Variants in SLC4A1AP observed in about 807,000 individuals in gnomAD.
SLC4A1AP encodes solute carrier family 4 member 1 adaptor protein, also known as kanadaptin.
Under a neutral mutation model 89.7 loss-of-function variants are expected in SLC4A1AP, and 64 were observed. That is an observed-to-expected ratio of 0.71 (90% CI 0.58 to 0.88). The LOEUF (loss-of-function observed/expected upper bound fraction) is 0.88, where lower values mean the gene tolerates loss of function less well. SLC4A1AP is among the 40% of genes least tolerant of loss of function. SLC4A1AP has a pLI of 0.00. For missense variants in SLC4A1AP, 931 were observed against 965.0 expected, an observed-to-expected ratio of 0.96 and a Z score of 0.47; for synonymous variants, 366 against 353.3, an observed-to-expected ratio of 1.04 and a Z score of -0.40.
chr2:27,686,919 G>A (rs760905909), intron 10 of SLC4A1AP, among the ~76,000 whole-genome samples: 29 of 152,172 alleles, frequency 1.9e-4, no homozygotes, highest in Non-Finnish European at 3.5e-4. Context: ...CCAGGTTGGA[G>A]TACTGTGGTG....
intron 7 of SLC4A1AP, 37 bp from the exon 8 acceptor site, chr2:27,677,701 C>A: frequency 6.7e-7 from 1 of 1,501,832 alleles, no homozygotes; most frequent in Non-Finnish European, 9.0e-7. Flanking sequence ...TATTCAGGAT[C>A]ATCTTTCTAA....
At chr2:27,685,231 G>A (rs1558509704) in exon 10 of SLC4A1AP, 2 of 1,614,038 alleles carry the variant, frequency 1.2e-6, no homozygotes, top group African/African-American at 1.3e-5. Context: ...TGCAGGAAAT[G>A]AGGCCTCCCA....
chr2:27,688,756 G>A, exon 12 of SLC4A1AP: 3 of 1,602,976 alleles, frequency 1.9e-6, no homozygotes, highest in Non-Finnish European at 1.7e-6. Flanking sequence ...GAAAACACCT[G>A]GTCCAGGCAA....
At chr2:27,667,233 C>T (rs1675344073) in intron 2 of SLC4A1AP, 35 bp from the exon 3 acceptor site, 1 of 1,591,578 alleles carries the variant, frequency 6.3e-7, no homozygotes, top group South Asian at 1.1e-5. Context: ...CTTCTCATGT[C>T]TGATTATCTT....
intron 5 of SLC4A1AP, among the ~76,000 whole-genome samples, chr2:27,670,275 G>C (rs150144614): frequency 0.012 from 1,867 of 152,178 alleles, 26 homozygotes; most frequent in African/African-American, 0.033. Flanking sequence ...TGGGATTACA[G>C]GCATGAGCCA....
chr2:27,670,908 A>ATTTCT (rs1461110461), intron 5 of SLC4A1AP, among the ~76,000 whole-genome samples: 2 of 140,598 alleles, frequency 1.4e-5, no homozygotes, highest in Non-Finnish European at 3.1e-5. Flanking sequence ...AAACACCTGT[A>ATTTCT]TTTCTTTTCT....
chr2:27,675,630 C>T (rs377286103), exon 6 of SLC4A1AP: 6 of 1,609,072 alleles, frequency 3.7e-6, no homozygotes, highest in African/African-American at 1.3e-5. Flanking sequence ...TGAGAAGAAG[C>T]GTCTGAACAG....
chr2:27,664,215 C>T lies in SLC4A1AP; in HGVS notation c.463C>T (p.Gln155Ter), dbSNP rs1449354866. Residue 155 changes from glutamine to a stop codon, truncating the protein, a stop_gained, in exon 1 of 14, where the codon CAA becomes TAA. Transcript: ENST00000613058. LOFTEE classifies it high-confidence loss of function. ...CGGTCCAGCCCGGGCTCCCCCCTAC[C>T]AAGAGCCTCCATGGGGTGGCCCTGC... 8 of 1,614,034 alleles carry T rather than the reference C, an allele frequency of 5.0e-6. No homozygotes were observed. Among genetic ancestry groups the T allele is most frequent in the Non-Finnish European group, 6.8e-6 (8 of 1,180,024 alleles).
At chr2:27,676,740 G>A (rs1379495121) in intron 6 of SLC4A1AP, among the ~76,000 whole-genome samples, 1 of 150,698 alleles carries the variant, frequency 6.6e-6, no homozygotes, top group Non-Finnish European at 1.5e-5. Context: ...TGAGACAGGA[G>A]AATTGCTTGA....
At chr2:27,666,801 G>A (rs1675334380) in intron 2 of SLC4A1AP, among the ~76,000 whole-genome samples, 1 of 151,548 alleles carries the variant, frequency 6.6e-6, no homozygotes, top group Non-Finnish European at 1.5e-5. Context: ...GTTTTGTGGT[G>A]GTTGTTCCAC....
rs187469276 is a variant in SLC4A1AP at position 27,678,466 on chromosome 2, C to T, written c.1763+542C>T. On this transcript the variant is annotated intron_variant, in intron 8 of 13. Transcript: ENST00000613058. ...GAGGATCGCTTGAGCCCAGGAGTTC[C>T]AGGCTACAGTGAGCTGTGATCGTGC... 3.3e-5 allele frequency among the ~76,000 whole-genome samples: 5 copies of T among 151,966 alleles called. No individual in the cohort carries two copies. In the East Asian group the frequency reaches 9.8e-4, roughly 30 times the overall value.
chr2:27,679,163 C>A (rs1675573482), intron 8 of SLC4A1AP, among the ~76,000 whole-genome samples: 1 of 152,192 alleles, frequency 6.6e-6, no homozygotes, highest in Non-Finnish European at 1.5e-5. Flanking sequence ...CAGTCTCTAT[C>A]CTGATTACAA....
chr2:27,679,743 G>A (rs942148359), intron 8 of SLC4A1AP, among the ~76,000 whole-genome samples: 4 of 152,076 alleles, frequency 2.6e-5, no homozygotes, highest in Non-Finnish European at 2.9e-5. Context: ...TATAACAGGC[G>A]CTGTCTGTAA....
chr2:27,677,947 A>G (rs1675552203), intron 8 of SLC4A1AP, 23 bp downstream of exon 8: 2 of 1,483,532 alleles, frequency 1.3e-6, no homozygotes, highest in Non-Finnish European at 1.8e-6. Flanking sequence ...TATATTTGGA[A>G]TTCTAAATAA....
chr2:27,670,015 C>T (rs551753658), intron 5 of SLC4A1AP, among the ~76,000 whole-genome samples: 6 of 152,324 alleles, frequency 3.9e-5, no homozygotes, highest in African/African-American at 1.4e-4. Context: ...AGGCATGCAC[C>T]ACCATGCCTG....
chr2:27,676,615 A>T (rs1675527182), intron 6 of SLC4A1AP, among the ~76,000 whole-genome samples: 2 of 151,924 alleles, frequency 1.3e-5, no homozygotes, highest in African/African-American at 4.8e-5. Flanking sequence ...TGAGGTCAGG[A>T]GTTCGAGACC....
intron 3 of SLC4A1AP, chr2:27,668,498 G>A (rs1024491766): frequency 9.3e-6 from 4 of 432,224 alleles, no homozygotes; most frequent in Admixed American, 2.7e-5. Flanking sequence ...CGCCCAGGCC[G>A]GAGTGCAATG....
intron 8 of SLC4A1AP, 21 bp downstream of exon 8, chr2:27,677,945 G>T (rs747335701): frequency 6.7e-7 from 1 of 1,503,706 alleles, no homozygotes; most frequent in Admixed American, 2.0e-5. Flanking sequence ...GTTATATTTG[G>T]AATTCTAAAT....
intron 4 of SLC4A1AP, 72 bp from the exon 5 acceptor site, chr2:27,669,176 C>G: frequency 6.9e-7 from 1 of 1,456,184 alleles, no homozygotes; most frequent in Non-Finnish European, 9.3e-7. Context: ...TGACTATTAT[C>G]ATAGCATAGT....
Sources: allele counts gnomAD v4.1 joint callset (sites outside exome capture counted in the v4.1 genomes callset), GRCh38; gene constraint gnomAD v4.1.1; transcripts MANE v1.5; gene names NCBI Gene and HGNC (gene_info 2026-07-23, HGNC 2026-07-21).